TTC17: variants seen among roughly 807,000 people sequenced by gnomAD.
The protein encoded by TTC17 is tetratricopeptide repeat domain 17.
In TTC17, 58 loss-of-function variants were observed where a neutral mutation model predicts 143.8. That is an observed-to-expected ratio of 0.40 (90% CI 0.33 to 0.50). The LOEUF (loss-of-function observed/expected upper bound fraction) is 0.50. TTC17 is among the 20% of genes least tolerant of loss of function. TTC17 has a pLI of 0.49. For missense variants in TTC17, 1,273 were observed against 1,392.5 expected, an observed-to-expected ratio of 0.91 and a Z score of 1.37; for synonymous variants, 501 against 497.8, an observed-to-expected ratio of 1.01 and a Z score of -0.09.
chr11:43,401,729 A>T, intron 10 of TTC17, 171 bp downstream of exon 10: 1 of 518,456 alleles, frequency 1.9e-6, no homozygotes, highest in East Asian at 3.4e-5. Context: ...CTGTAATCTC[A>T]GCACTTAGGG....
chr11:43,366,106 G>A (rs978908197), intron 1 of TTC17, among the ~76,000 whole-genome samples: 21 of 151,360 alleles, frequency 1.4e-4, no homozygotes, highest in Admixed American at 4.6e-4. Context: ...TCAGCCTCCC[G>A]AGTAGCTGGG....
chr11:43,435,645 C>G (rs1163147585), intron 16 of TTC17, among the ~76,000 whole-genome samples: 2 of 152,210 alleles, frequency 1.3e-5, no homozygotes, highest in Non-Finnish European at 2.9e-5. Context: ...AGTTATATTG[C>G]AGCCTTAATT....
intron 21 of TTC17, among the ~76,000 whole-genome samples, chr11:43,485,044 G>A (rs2084705631): frequency 6.6e-6 from 1 of 151,878 alleles, no homozygotes; most frequent in East Asian, 1.9e-4. Context: ...GGCTCCCACT[G>A]ATTCTACATT....
intron 16 of TTC17, among the ~76,000 whole-genome samples, chr11:43,428,331 A>G (rs977365255): frequency 1.3e-5 from 2 of 152,162 alleles, no homozygotes; most frequent in African/African-American, 2.4e-5. Context: ...ATGTCAGTTA[A>G]TTTTCTTTTT....
chr11:43,468,909 T>A (rs949249733), intron 21 of TTC17, among the ~76,000 whole-genome samples: 4 of 151,992 alleles, frequency 2.6e-5, no homozygotes, highest in Non-Finnish European at 5.9e-5. Flanking sequence ...TAAAAAAAAA[T>A]AAAATGTATC....
At chr11:43,486,252 A>G (rs2134480197) in intron 21 of TTC17, among the ~76,000 whole-genome samples, 1 of 152,314 alleles carries the variant, frequency 6.6e-6, no homozygotes, top group South Asian at 2.1e-4. Flanking sequence ...AAAAATAAAT[A>G]TAAGTTTTTA....
chr11:43,413,545 TAGAC>T (rs144270581), intron 15 of TTC17, among the ~76,000 whole-genome samples: 4,492 of 151,912 alleles, frequency 0.03, 145 homozygotes, highest in East Asian at 0.2. Context: ...AAACAAACCA[TAGAC>T]AGAGAAGATT....
intron 11 of TTC17, 60 bp from the exon 12 acceptor site, chr11:43,405,454 T>A: frequency 8.1e-7 from 1 of 1,233,636 alleles, no homozygotes; most frequent in Non-Finnish European, 1.2e-6. Context: ...TAAAAGTTTA[T>A]TTAGCATATT....
At chr11:43,403,251 G>A (rs925396095) in intron 10 of TTC17, among the ~76,000 whole-genome samples, 5 of 152,098 alleles carry the variant, frequency 3.3e-5, no homozygotes, top group African/African-American at 9.7e-5. Flanking sequence ...GCTTCCAATA[G>A]TCTATATTCA....
At chr11:43,372,606 T>C (rs1182527296) in intron 1 of TTC17, among the ~76,000 whole-genome samples, 1 of 152,080 alleles carries the variant, frequency 6.6e-6, no homozygotes, top group Admixed American at 6.6e-5. Flanking sequence ...TTCTCCTGCC[T>C]CAGCCTCCCA....
chr11:43,384,035 C>T (rs1208995529), intron 2 of TTC17, among the ~76,000 whole-genome samples: 3 of 151,722 alleles, frequency 2.0e-5, no homozygotes, highest in African/African-American at 7.3e-5. Flanking sequence ...GTTCTAGCTA[C>T]TGGGGAGGCT....
Position 43,399,912 on chromosome 11 carries a change from G to C in TTC17, c.1083G>C (p.Glu361Asp). The C allele has an allele frequency of 6.2e-6, 10 of 1,613,478 alleles. No homozygotes were observed. Among genetic ancestry groups the C allele is most frequent in the Non-Finnish European group, 5.9e-6 (7 of 1,179,746 alleles). ...GATCTCTCCAGCGAACACTGAATGAGTTAAAAGAGTATCAAAAGCAGCATG... is the reference window on the plus strand; with the variant it reads ...GATCTCTCCAGCGAACACTGAATGACTTAAAAGAGTATCAAAAGCAGCATG... ...QHRSLQRTLN[E>D]LKEYQKQHDH... is the part of the protein sequence containing the mutation. The change falls in exon 9 of 24, where the codon GAG (glutamate) becomes GAC (aspartate). Residue 361 changes from glutamate to aspartate, a missense_variant. Transcript: ENST00000039989.
intron 23 of TTC17, 44 bp from the exon 24 acceptor site, chr11:43,493,729 C>T: frequency 6.2e-7 from 1 of 1,613,598 alleles, no homozygotes; most frequent in Non-Finnish European, 8.5e-7. Context: ...TATATTTAGT[C>T]TGCTGGTGCC....
intron 1 of TTC17, among the ~76,000 whole-genome samples, chr11:43,367,247 C>T (rs1348510829): frequency 1.3e-5 from 2 of 152,220 alleles, no homozygotes; most frequent in Non-Finnish European, 1.5e-5. Flanking sequence ...ATGAGAAGAG[C>T]CATAATTTCA....
chr11:43,460,881 G>A (rs1178145688), intron 21 of TTC17, among the ~76,000 whole-genome samples: 1 of 152,168 alleles, frequency 6.6e-6, no homozygotes, highest in African/African-American at 2.4e-5. Flanking sequence ...TCTGGGCTAG[G>A]CCTCTTAGAG....
At chr11:43,397,708 ACTT>A (rs1857660406) in intron 7 of TTC17, among the ~76,000 whole-genome samples, 2 of 152,088 alleles carry the variant, frequency 1.3e-5, no homozygotes, top group African/African-American at 4.8e-5. Flanking sequence ...GGAATTTTAA[ACTT>A]CTACAGGGTA....
chr11:43,480,260 T>G (rs944735553), intron 21 of TTC17, among the ~76,000 whole-genome samples: 2 of 152,148 alleles, frequency 1.3e-5, no homozygotes, highest in Non-Finnish European at 2.9e-5. Flanking sequence ...ATGGTTGGGA[T>G]AAATCAGTGA....
chr11:43,423,909 A>G (rs886077706), intron 16 of TTC17, among the ~76,000 whole-genome samples: 3 of 152,234 alleles, frequency 2.0e-5, no homozygotes, highest in South Asian at 2.1e-4. Context: ...CTACACTAAA[A>G]CAACATTAAT....
At chr11:43,393,795 A>G (rs1590347245) in intron 5 of TTC17, among the ~76,000 whole-genome samples, 2 of 152,196 alleles carry the variant, frequency 1.3e-5, no homozygotes, top group East Asian at 3.8e-4. Context: ...GTCAGGAACT[A>G]GGGACAAAGA....
Sources: allele counts gnomAD v4.1 joint callset (sites outside exome capture counted in the v4.1 genomes callset), GRCh38; gene constraint gnomAD v4.1.1; transcripts MANE v1.5; gene names NCBI Gene and HGNC (gene_info 2026-07-23, HGNC 2026-07-21).